The following PCED1B variants were observed in gnomAD, a reference collection of about 807,000 sequenced individuals.
PCED1B encodes PC-esterase domain-containing protein 1B.
For synonymous variants in PCED1B, 251 were observed against 246.1 expected, an observed-to-expected ratio of 1.02 and a Z score of -0.19; for missense variants, 573 against 573.9, an observed-to-expected ratio of 1.00 and a Z score of 0.02.
intron 2 of PCED1B, among the ~76,000 whole-genome samples, chr12:47,203,260 G>A (rs547182195): frequency 6.3e-4 from 96 of 152,088 alleles, no homozygotes; most frequent in African/African-American, 2.2e-3. Context: ...ATGAGCCACC[G>A]TGCCCAGCCT....
intron 2 of PCED1B, among the ~76,000 whole-genome samples, chr12:47,105,300 G>A (rs1938897252): frequency 6.6e-6 from 1 of 152,182 alleles, no homozygotes; most frequent in Non-Finnish European, 1.5e-5. Flanking sequence ...GCCTAGAACA[G>A]GGAATCTTCT....
intron 2 of PCED1B, among the ~76,000 whole-genome samples, chr12:47,169,338 G>A (rs1941644172): frequency 6.6e-6 from 1 of 152,142 alleles, no homozygotes; most frequent in Admixed American, 6.5e-5. Context: ...TTCTCTCTGA[G>A]TATCAGGAAG....
rs191660793 is a variant in PCED1B, at chr12:47,094,027, C to T, written c.-608-10086C>T. Among the ~76,000 whole-genome samples, 192 of 152,166 alleles carry T rather than the reference C, an allele frequency of 1.3e-3. 1 individual carries two copies. The highest frequency in any genetic ancestry group is 2.1e-3 in the Non-Finnish European group (146 of 67,920). On this transcript the variant is annotated intron_variant, in intron 1 of 3. Coordinates refer to ENST00000546455, the MANE Select transcript of PCED1B (RefSeq NM_138371.3). Reference sequence around the variant, plus strand: ...CTGCTATGTGTTTGAAAGAGATGCACTAATGCCTCCCACTGTGAGTGCTGA... The same window carrying T: ...CTGCTATGTGTTTGAAAGAGATGCATTAATGCCTCCCACTGTGAGTGCTGA...
chr12:47,134,705 T>C (rs1940276959), intron 2 of PCED1B, among the ~76,000 whole-genome samples: 2 of 152,066 alleles, frequency 1.3e-5, no homozygotes, highest in African/African-American at 4.8e-5. Context: ...CCATCTCTAC[T>C]AAAAATACAA....
chr12:47,119,642 G>A (rs1335116351), intron 2 of PCED1B, among the ~76,000 whole-genome samples: 2 of 152,130 alleles, frequency 1.3e-5, no homozygotes, highest in East Asian at 3.9e-4. Context: ...AATCTGGCAA[G>A]AGACTTATGT....
intron 2 of PCED1B, among the ~76,000 whole-genome samples, chr12:47,129,981 G>T (rs1463643134): frequency 6.6e-6 from 1 of 152,206 alleles, no homozygotes; most frequent in African/African-American, 2.4e-5. Context: ...CCAAAGAAGA[G>T]ACTTAGTAGG....
In PCED1B at chr12:47,162,073, T is replaced by C. The variant is rs910464169; in HGVS notation, c.-525-54149T>C. On this transcript the variant is annotated intron_variant, in intron 2 of 3. Coordinates refer to ENST00000546455, the MANE Select transcript of PCED1B (RefSeq NM_138371.3). ...GTTGGAATTGAACAATGAGAACACATGGACACAGGAAGGGGAACATCACAC... is the reference window on the plus strand; with the variant it reads ...GTTGGAATTGAACAATGAGAACACACGGACACAGGAAGGGGAACATCACAC... 5.1e-5 allele frequency among the ~76,000 whole-genome samples: 7 copies of C among 138,510 alleles called. No homozygotes were observed. The East Asian group carries it at 1.3e-3, about 26-fold the overall frequency. The allele number at this position is 138,510 out of a possible 152,430, so 90.9% of individuals were successfully genotyped here. A position where few individuals can be genotyped will look rare whatever the true frequency, so the allele number is the denominator to read the frequency against.
intron 2 of PCED1B, among the ~76,000 whole-genome samples, chr12:47,113,059 A>T (rs186857157): frequency 6.6e-6 from 1 of 152,346 alleles, no homozygotes; most frequent in Non-Finnish European, 1.5e-5. Context: ...ATTTAAAAAC[A>T]TACACAATCC....
At chr12:47,151,134 T>TACAC (rs144820371) in intron 2 of PCED1B, among the ~76,000 whole-genome samples, 5,763 of 150,222 alleles carry the variant, frequency 0.038, 139 homozygotes, top group South Asian at 0.066. Flanking sequence ...ATATATAATA[T>TACAC]ATACACACAC....
intron 2 of PCED1B, among the ~76,000 whole-genome samples, chr12:47,192,165 T>C (rs1942462086): frequency 6.6e-6 from 1 of 151,010 alleles, no homozygotes; most frequent in African/African-American, 2.4e-5. Context: ...GCTACGCTTT[T>C]TTTTTTTGTT....
chr12:47,201,037 AG>A (rs1417781284), intron 2 of PCED1B, among the ~76,000 whole-genome samples: 2 of 152,184 alleles, frequency 1.3e-5, no homozygotes, highest in Non-Finnish European at 2.9e-5. Context: ...AGACGAGTTA[AG>A]AGTCCCTTTA....
At position 47,231,569 on chromosome 12, in the gene PCED1B, G is replaced by A. The variant is rs540613398; in HGVS notation, c.-57-3438G>A. ...TTTTATGGCTTGATAAGAAAGGGCA[G>A]ATCTGGAGGCCCTTTCTGCCACCGC... On this transcript the variant is annotated intron_variant, in intron 3 of 3. Coordinates refer to ENST00000546455, the MANE Select transcript of PCED1B (RefSeq NM_138371.3). Among the ~76,000 whole-genome samples, 4 of 152,272 alleles carry A rather than the reference G, an allele frequency of 2.6e-5. No individual in the cohort carries two copies. The South Asian group carries it at 8.3e-4, about 32-fold the overall frequency.
chr12:47,178,177 A>G (rs1292471514), intron 2 of PCED1B, among the ~76,000 whole-genome samples: 1 of 152,144 alleles, frequency 6.6e-6, no homozygotes, highest in African/African-American at 2.4e-5. Context: ...CCACACTCAT[A>G]CCCTGAGAAT....
intron 2 of PCED1B, among the ~76,000 whole-genome samples, chr12:47,145,355 T>G (rs887148545): frequency 1.3e-5 from 2 of 152,182 alleles, no homozygotes; most frequent in Non-Finnish European, 2.9e-5. Context: ...AAGCAACAAG[T>G]GCTGATGTAG....
At chr12:47,138,620 T>G (rs907519369) in intron 2 of PCED1B, among the ~76,000 whole-genome samples, 8 of 152,208 alleles carry the variant, frequency 5.3e-5, no homozygotes, top group African/African-American at 1.9e-4. Context: ...GTATCTAAAC[T>G]CTATGGTGCC....
intron 2 of PCED1B, among the ~76,000 whole-genome samples, chr12:47,170,513 G>A (rs141340005): frequency 1.5e-4 from 22 of 146,088 alleles, no homozygotes; most frequent in Admixed American, 2.7e-4. Flanking sequence ...GCGGCCGGGC[G>A]GAGGCGCCCC....
intron 2 of PCED1B, among the ~76,000 whole-genome samples, chr12:47,114,479 C>A (rs1565755547): frequency 6.6e-6 from 1 of 152,230 alleles, no homozygotes; most frequent in Non-Finnish European, 1.5e-5. Context: ...CGCCTTAGAA[C>A]CCCTGCACCA....
Position 47,235,187 on chromosome 12 carries a change from C to T in PCED1B, c.124C>T (p.Leu42=). ...GGTGCTTCTGCTGCAGAAGGACCGC[C>T]TGCTCACTCCCGGGCAGCTTAGAGC... is the stretch of plus-strand genomic sequence containing the variant. ...DLVLLLQKDR[L]LTPGQLRARG... The change falls in exon 4 of 4, where the codon CTG becomes TTG. Residue 42 remains leucine (L), a synonymous_variant. Coordinates refer to ENST00000546455, the MANE Select transcript of PCED1B (RefSeq NM_138371.3). 6.3e-7 allele frequency: 1 copy of T among 1,596,798 alleles called. No homozygotes were observed. Among genetic ancestry groups the T allele is most frequent in the Non-Finnish European group, 8.5e-7 (1 of 1,170,830 alleles).
At chr12:47,105,255 G>A (rs1220475836) in intron 2 of PCED1B, among the ~76,000 whole-genome samples, 2 of 152,032 alleles carry the variant, frequency 1.3e-5, no homozygotes, top group Non-Finnish European at 2.9e-5. Flanking sequence ...GGGGGCGGCG[G>A]GGGAGATGTT....
Sources: gnomAD v4.1 joint callset for allele counts (sites outside exome capture counted in the v4.1 genomes callset) on GRCh38, gnomAD v4.1.1 for gene constraint, MANE v1.5 for transcripts, NCBI Gene and HGNC (gene_info 2026-07-23, HGNC 2026-07-21) for gene names.